CDCP2: variants seen among roughly 807,000 people sequenced by gnomAD.
CDCP2 encodes the protein CUB domain containing protein 2, also known as CUB domain-containing protein 2.
A neutral mutation model predicts 31.0 loss-of-function variants in CDCP2; 31 were observed. That is an observed-to-expected ratio of 1.00 (90% CI 0.75 to 1.35). The LOEUF (loss-of-function observed/expected upper bound fraction) is 1.35. Among genes scored for constraint, CDCP2 ranks in the 40% most tolerant of loss-of-function variants. The probability of loss-of-function intolerance (pLI) is 0.00; values close to 1 mark genes in which losing one functional copy is unlikely to be tolerated. For synonymous variants in CDCP2, 206 were observed against 207.9 expected, an observed-to-expected ratio of 0.99 and a Z score of 0.08; for missense variants, 443 against 482.6, an observed-to-expected ratio of 0.92 and a Z score of 0.77.
intron 3 of CDCP2, chr1:54,140,351 C>T (rs1179456813): frequency 1.8e-6 from 1 of 568,890 alleles, no homozygotes; most frequent in East Asian, 3.0e-5. Flanking sequence ...TGACAGTCCC[C>T]TTCACAGGTG....
chr1:54,145,828 G>A lies in CDCP2; in HGVS notation c.80-1015C>T, dbSNP rs116270988. On this transcript the variant is annotated intron_variant, in intron 1 of 5. Coordinates refer to ENST00000530059, the Ensembl canonical transcript of CDCP2. Reference sequence around the variant, plus strand: ...TGCCCTGTTTCATAATTTTCACTGTGTAAGCATATAAAATACTTTATATAA... The same window carrying A: ...TGCCCTGTTTCATAATTTTCACTGTATAAGCATATAAAATACTTTATATAA... Among the ~76,000 whole-genome samples, 1,410 of 152,274 alleles carry A rather than the reference G, an allele frequency of 9.3e-3. 19 individuals are homozygous for A. Among genetic ancestry groups the A allele is most frequent in the African/African-American group, 0.033 (1,352 of 41,544 alleles).
chr1:54,136,202 T>C (rs1160492723), intron 5 of CDCP2, among the ~76,000 whole-genome samples: 3 of 152,152 alleles, frequency 2.0e-5, no homozygotes, highest in Non-Finnish European at 4.4e-5. Flanking sequence ...CACACAGCTC[T>C]GCATACTAAA....
intron 5 of CDCP2, among the ~76,000 whole-genome samples, chr1:54,135,165 G>A (rs1419835885): frequency 6.6e-6 from 1 of 151,092 alleles, no homozygotes; most frequent in Non-Finnish European, 1.5e-5. Flanking sequence ...AATAAGGAAG[G>A]GAGGGAAAAA....
intron 2 of CDCP2, 83 bp from the exon 3 acceptor site, chr1:54,141,516 T>C: frequency 1.7e-6 from 2 of 1,207,532 alleles, no homozygotes; most frequent in Non-Finnish European, 2.3e-6. Flanking sequence ...CACTCCAACA[T>C]GCTGCCCCCA....
At chr1:54,141,244 A>G in exon 3 of CDCP2, 1 of 1,614,144 alleles carries the variant, frequency 6.2e-7, no homozygotes. Context: ...AGGCCCCCCA[A>G]GCACAGCCAC....
intron 2 of CDCP2, 39 bp from the exon 3 acceptor site, chr1:54,141,472 T>A: frequency 6.5e-7 from 1 of 1,537,256 alleles, no homozygotes; most frequent in Non-Finnish European, 8.8e-7. Flanking sequence ...TTCTTTCTCC[T>A]TGTGGCTCCC....
At chr1:54,144,716 C>G (rs34826914) in exon 2 of CDCP2, 65,781 of 1,614,192 alleles carry the variant, frequency 0.041, 1,688 homozygotes, top group Admixed American at 0.11. Context: ...CCACCACGAT[C>G]AGCCAGCTGC....
At position 54,140,558 on chromosome 1, in the gene CDCP2, A is replaced by C. The variant is rs141986517; in HGVS notation, c.764-452T>G. ...GCACATGCTGTTCCTCCTGCTTGGA[A>C]TGCCCTTCCCTTCTGCTTCCGTCTA... On this transcript the variant is annotated intron_variant, in intron 3 of 5. Transcript: ENST00000530059. The C allele has an allele frequency of 5.0e-5, 12 of 237,660 alleles. No individual in the cohort carries two copies. In the East Asian group the frequency reaches 9.8e-4, roughly 19 times the overall value. 14.7% of individuals were successfully genotyped at this position (237,660 alleles called of 1,614,324 possible).
exon 4 of CDCP2, chr1:54,139,829 G>T: frequency 6.2e-7 from 1 of 1,614,200 alleles, no homozygotes. Flanking sequence ...GCTGGTTGTG[G>T]CTTGAGGTCA....
At chr1:54,144,238 C>T (rs1659421260) in intron 2 of CDCP2, 1 of 506,678 alleles carries the variant, frequency 2.0e-6, no homozygotes, top group Admixed American at 3.6e-5. Flanking sequence ...TGCATGAGAG[C>T]TGGGTCCTGC....
intron 5 of CDCP2, among the ~76,000 whole-genome samples, 185 bp from the exon 6 acceptor site, chr1:54,133,479 G>A (rs1253037793): frequency 2.0e-5 from 3 of 152,232 alleles, no homozygotes; most frequent in East Asian, 3.8e-4. Flanking sequence ...CTGGAAGGAC[G>A]ATATCAGATT....
chr1:54,144,573 C>T, exon 2 of CDCP2: 5 of 1,614,042 alleles, frequency 3.1e-6, no homozygotes, highest in Non-Finnish European at 4.2e-6. Flanking sequence ...GGGCACCTTG[C>T]CGCAGAACCT....
At chr1:54,135,096 G>A (rs1659237114) in intron 5 of CDCP2, among the ~76,000 whole-genome samples, 1 of 148,920 alleles carries the variant, frequency 6.7e-6, no homozygotes, top group Admixed American at 6.9e-5. Flanking sequence ...GGACACTGGG[G>A]AAAGAAAGAC....
Position 54,151,812 on chromosome 1 carries a change from C to A in CDCP2, c.79+1032G>T, listed in dbSNP as rs999019241. Among the ~76,000 whole-genome samples, 9 of 152,174 alleles carry A rather than the reference C, an allele frequency of 5.9e-5. No individual in the cohort carries two copies. The East Asian group carries it at 1.7e-3, about 29-fold the overall frequency. ...GGGACCACAGTGCAGGCAGAGGGTT[C>A]CAGGAGCCCCAGTGAAGGCGCATGT... On this transcript the variant is annotated intron_variant, in intron 1 of 5. Transcript: ENST00000530059.
chr1:54,140,201 G>T, intron 3 of CDCP2, 95 bp from the exon 4 acceptor site: 2 of 1,155,024 alleles, frequency 1.7e-6, no homozygotes, highest in Non-Finnish European at 2.5e-6. Context: ...TGCCACAGTG[G>T]TCCAAAAACC....
At position 54,139,648 on chromosome 1, in the gene CDCP2, G is replaced by GGT. The variant is rs539618974; in HGVS notation, c.1117+104_1117+105insAC. ...AGGAGCTGGAGAAGACCATTCATGG[G>GGT]GGGGGCAGGACAAACTGGTGGGATG... On this transcript the variant is annotated intron_variant, in intron 4 of 5. Transcript: ENST00000530059. 10 of 1,613,508 alleles carry GGT rather than the reference G, an allele frequency of 6.2e-6. No homozygotes were observed. The Admixed American group carries it at 1.2e-4, about 19-fold the overall frequency.
chr1:54,150,571 G>A (rs1261186036), intron 1 of CDCP2, among the ~76,000 whole-genome samples: 1 of 151,920 alleles, frequency 6.6e-6, no homozygotes, highest in Non-Finnish European at 1.5e-5. Context: ...CTCCAGCCTG[G>A]GTGAGACAGA....
intron 3 of CDCP2, chr1:54,140,625 A>G: frequency 5.0e-6 from 1 of 200,898 alleles, no homozygotes; most frequent in Non-Finnish European, 1.0e-5. Context: ...CCACGAAGTC[A>G]TCCATGATTC....
At chr1:54,139,473 G>T in intron 4 of CDCP2, 1 of 1,485,070 alleles carries the variant, frequency 6.7e-7, no homozygotes, top group Non-Finnish European at 9.2e-7. Flanking sequence ...AGGGGCCAGG[G>T]GCCCAGGGGG....
Sources: allele counts gnomAD v4.1 joint callset (sites outside exome capture counted in the v4.1 genomes callset), GRCh38; gene constraint gnomAD v4.1.1; transcripts MANE v1.5; gene names NCBI Gene and HGNC (gene_info 2026-07-23, HGNC 2026-07-21).